The following UBR3 variants were observed in gnomAD, a reference collection of about 807,000 sequenced individuals.
UBR3 encodes the protein E3 ubiquitin-protein ligase UBR3.
In UBR3, 85 loss-of-function variants were observed where a neutral mutation model predicts 243.2. The observed-to-expected ratio is 0.35, with a 90% CI of 0.29 to 0.42. The LOEUF (loss-of-function observed/expected upper bound fraction) is 0.42, where lower values mean the gene tolerates loss of function less well. Ranked by LOEUF, UBR3 falls within the 10% of genes least tolerant of loss-of-function variation. The pLI is 1.00. For synonymous variants in UBR3, 748 were observed against 799.8 expected (o/e 0.94, Z 1.09); for missense variants, 1,686 against 2,300.8 (o/e 0.73, Z 5.47).
chr2:169,907,036 CT>C (rs36078695), intron 10 of UBR3, among the ~76,000 whole-genome samples: 15,085 of 112,258 alleles, frequency 0.13, 1,176 homozygotes, highest in African/African-American at 0.27. Flanking sequence ...AAATTTCTTT[CT>C]TTTTTTTTTT....
intron 25 of UBR3, among the ~76,000 whole-genome samples, chr2:169,988,131 A>G (rs2105389517): frequency 6.6e-6 from 1 of 152,320 alleles, no homozygotes; most frequent in East Asian, 1.9e-4. Flanking sequence ...TTTTACAGCT[A>G]CTTTTCCTTT....
intron 1 of UBR3, among the ~76,000 whole-genome samples, chr2:169,854,482 A>G (rs911972125): frequency 3.3e-5 from 5 of 152,100 alleles, no homozygotes; most frequent in Admixed American, 6.5e-5. Flanking sequence ...TTTGTCATTG[A>G]GAAAGTGGGA....
chr2:169,945,165 G>A (rs1205054637), intron 20 of UBR3, among the ~76,000 whole-genome samples: 7 of 151,196 alleles, frequency 4.6e-5, no homozygotes, highest in African/African-American at 1.7e-4. Context: ...TTTGGTTGGG[G>A]ATGGGACAAG....
intron 26 of UBR3, among the ~76,000 whole-genome samples, chr2:169,995,621 G>A (rs1044418433): frequency 2.0e-5 from 3 of 152,106 alleles, no homozygotes; most frequent in Non-Finnish European, 4.4e-5. Context: ...TTTTATTATG[G>A]TAGGAATGTT....
At chr2:169,849,337 G>A (rs2082586804) in intron 1 of UBR3, among the ~76,000 whole-genome samples, 1 of 152,252 alleles carries the variant, frequency 6.6e-6, no homozygotes. Flanking sequence ...CTCTGAAATG[G>A]TGCTGGATGA....
intron 5 of UBR3, among the ~76,000 whole-genome samples, chr2:169,890,540 G>GATAT (rs1188196959): frequency 1.3e-5 from 1 of 75,998 alleles, no homozygotes; most frequent in African/African-American, 6.4e-5. Flanking sequence ...GAGAGAGAGA[G>GATAT]ATATATATAT....
chr2:170,012,181 T>C (rs7581589), intron 29 of UBR3, among the ~76,000 whole-genome samples: 122,915 of 151,986 alleles, frequency 0.81, 50,064 homozygotes, highest in Middle Eastern at 0.9. Context: ...ATTATGAATC[T>C]TTTTAAAAAA....
intron 1 of UBR3, among the ~76,000 whole-genome samples, chr2:169,834,394 T>C (rs1381104972): frequency 1.3e-5 from 2 of 152,228 alleles, no homozygotes; most frequent in Non-Finnish European, 2.9e-5. Context: ...TGTATACACT[T>C]GTTCATATGT....
chr2:169,939,787 C>T (rs924465110), intron 19 of UBR3, among the ~76,000 whole-genome samples: 4 of 151,322 alleles, frequency 2.6e-5, no homozygotes, highest in African/African-American at 9.7e-5. Context: ...TGGTCTTGAA[C>T]TACTGAGCTC....
chr2:169,884,463 A>T (rs989603798), intron 5 of UBR3, among the ~76,000 whole-genome samples: 3 of 152,114 alleles, frequency 2.0e-5, no homozygotes, highest in African/African-American at 7.2e-5. Flanking sequence ...TTGACTTTTA[A>T]CTTTGTAAAG....
intron 24 of UBR3, among the ~76,000 whole-genome samples, chr2:169,971,870 G>GCATA (rs1208520780): frequency 2.6e-5 from 4 of 152,120 alleles, no homozygotes; most frequent in Non-Finnish European, 4.4e-5. Context: ...AAAAGCAAGA[G>GCATA]CATACACATT....
rs887290354 is a variant in UBR3, at chr2:169,947,674, T to C, written c.3043T>C (p.Ser1015Pro). Residue 1015 changes from serine (S) to proline (P), a missense_variant, in exon 22 of 39, where the codon TCA becomes CCA. By Grantham distance (74) the Ser-to-Pro change is moderately conservative. Transcript: ENST00000272793. The part of the protein sequence containing the change: ...PETAPEVKRD[S>P]PASTSSDNLG... The stretch of plus-strand genomic sequence containing the variant: ...GACTGCTCCTGAAGTAAAGAGAGAC[T>C]CACCTGCAAGTACTAGCTCTGATAA... 6.5e-7 allele frequency: 1 copy of C among 1,534,100 alleles called. No individual in the cohort carries two copies. Among genetic ancestry groups the C allele is most frequent in the African/African-American group, 1.4e-5 (1 of 72,160 alleles).
At chr2:169,844,091 C>T (rs1465728377) in intron 1 of UBR3, among the ~76,000 whole-genome samples, 1 of 151,374 alleles carries the variant, frequency 6.6e-6, no homozygotes, top group Non-Finnish European at 1.5e-5. Flanking sequence ...ATTGCAACCT[C>T]AGCCTCCTGG....
At chr2:169,863,998 G>T (rs1391223868) in intron 1 of UBR3, among the ~76,000 whole-genome samples, 1 of 152,040 alleles carries the variant, frequency 6.6e-6, no homozygotes, top group South Asian at 2.1e-4. Flanking sequence ...CAATCTAAAG[G>T]AGCGCCATGG....
intron 33 of UBR3, among the ~76,000 whole-genome samples, chr2:170,056,072 A>G (rs1443240349): frequency 7.3e-6 from 1 of 137,494 alleles, no homozygotes; most frequent in East Asian, 2.1e-4. Flanking sequence ...CAGTGGTACA[A>G]TCTCAGCTCA....
intron 24 of UBR3, among the ~76,000 whole-genome samples, chr2:169,975,088 T>C (rs1465316956): frequency 6.6e-6 from 1 of 152,046 alleles, no homozygotes; most frequent in Non-Finnish European, 1.5e-5. Flanking sequence ...GAGGATTGCT[T>C]GATCCCGGGA....
At position 169,983,252 on chromosome 2, in the gene UBR3, C is replaced by CTTTTTTTTTTT. The variant is rs72194627; in HGVS notation, c.3635-3381_3635-3371dup. Among the ~76,000 whole-genome samples the CTTTTTTTTTTT allele has an allele frequency of 1.5e-3, 108 of 71,982 alleles. 3 individuals are homozygous for CTTTTTTTTTTT. The highest frequency in any genetic ancestry group is 4.7e-3 in the African/African-American group (80 of 16,902). The allele number at this position is 71,982 out of a possible 152,430, so 47.2% of individuals were successfully genotyped here. On this transcript the variant is annotated intron_variant, in intron 24 of 38. Transcript: ENST00000272793. ...TGTTGTTTTTGCCACATTCTCTCTC[C>CTTTTTTTTTTT]TTTTTTTTTTTTTTTTTTTTTTGAG...
intron 17 of UBR3, 117 bp downstream of exon 17, chr2:169,927,522 G>A: frequency 1.3e-6 from 1 of 769,510 alleles, no homozygotes; most frequent in Non-Finnish European, 2.0e-6. Flanking sequence ...AAATAATATA[G>A]AAAAAGAAGA....
At chr2:169,840,633 C>A (rs1042798595) in intron 1 of UBR3, among the ~76,000 whole-genome samples, 2 of 152,170 alleles carry the variant, frequency 1.3e-5, no homozygotes, top group African/African-American at 4.8e-5. Context: ...CTGCCCCTTC[C>A]CCCCACCGCG....
Sources: gnomAD v4.1 joint callset for allele counts (sites outside exome capture counted in the v4.1 genomes callset) on GRCh38, gnomAD v4.1.1 for gene constraint, MANE v1.5 for transcripts, NCBI Gene and HGNC (gene_info 2026-07-23, HGNC 2026-07-21) for gene names.